Variants in MYT1 observed in about 807,000 individuals in gnomAD.
MYT1 encodes the protein myelin transcription factor 1.
MYT1 carries 23 observed loss-of-function variants against 123.0 expected under a neutral mutation model. The ratio of observed to expected loss-of-function variants is 0.19; its 90% CI spans 0.13 to 0.26. MYT1 has a LOEUF of 0.26. Among genes scored for constraint, MYT1 ranks in the 10% least tolerant of loss-of-function variants. The probability of loss-of-function intolerance (pLI) is 1.00; values close to 1 mark genes in which losing one functional copy is unlikely to be tolerated. For synonymous variants in MYT1, 518 were observed against 575.3 expected (o/e 0.90, Z 1.43); for missense variants, 1,125 against 1,472.5 (o/e 0.76, Z 3.86).
At position 64,201,916 on chromosome 20, in the gene MYT1, G is replaced by GTGTGT. The variant is rs1568708028; in HGVS notation, c.86+1994_86+1995insTGTGT. Among the ~76,000 whole-genome samples, 494 of 138,580 alleles carry GTGTGT rather than the reference G, an allele frequency of 3.6e-3. 6 individuals carry two copies. The highest frequency in any genetic ancestry group is 0.012 in the African/African-American group (456 of 38,930). 90.9% of individuals were successfully genotyped at this position (138,580 alleles called of 152,430 possible). A position where few individuals can be genotyped will look rare whatever the true frequency, so the allele number is the denominator to read the frequency against. ...GAACCCCCGTGTGTCGGGAACCCCC[G>GTGTGT]CGTGTCGGGAACCCCCGCGTGTCGG... On this transcript the variant is annotated intron_variant, in intron 4 of 22. Transcript: ENST00000328439.
At position 64,192,883 on chromosome 20, in the gene MYT1, A is replaced by T. The variant is rs185429373; in HGVS notation, c.-1+2723A>T. On this transcript the variant is annotated intron_variant, in intron 2 of 22. Coordinates refer to ENST00000328439, the MANE Select transcript of MYT1 (RefSeq NM_004535.3). The surrounding 1 kb of genome is among the most constrained non-coding windows in gnomAD (Gnocchi z 5.3). ...TTGTTGGATTCTACCCTGGGTGGGT[A>T]TAAATTCCATTTATGCTGGAGTTTT... Among the ~76,000 whole-genome samples the T allele has an allele frequency of 6.6e-6, 1 of 152,326 alleles. No individual in the cohort carries two copies. Among genetic ancestry groups the T allele is most frequent in the East Asian group, 1.9e-4 (1 of 5,178 alleles).
Position 64,167,620 on chromosome 20 carries a change from C to T in MYT1, c.-99+2881C>T, listed in dbSNP as rs1982121934. On this transcript the variant is annotated intron_variant, in intron 1 of 22. Coordinates refer to ENST00000328439, the MANE Select transcript of MYT1 (RefSeq NM_004535.3). The surrounding 1 kb of genome is among the most constrained non-coding windows in gnomAD (Gnocchi z 6.3). ...AGTGGATGCTCTGCCTGTCCCAATG[C>T]TGGAAGACACATCTCAGAGCCCCTC... Among the ~76,000 whole-genome samples, 1 of 152,230 alleles carries T rather than the reference C, an allele frequency of 6.6e-6. No individual in the cohort carries two copies. The highest frequency in any genetic ancestry group is 1.5e-5 in the Non-Finnish European group (1 of 68,038).
chr20:64,208,027 G>A lies in MYT1; in HGVS notation c.831G>A (p.Glu277=). 6.3e-7 allele frequency: 1 copy of A among 1,591,004 alleles called. No individual in the cohort carries two copies. The highest frequency in any genetic ancestry group is 8.6e-7 in the Non-Finnish European group (1 of 1,166,090). Residue 277 remains glutamate, a synonymous_variant, in exon 7 of 23, where the codon GAG becomes GAA. Transcript: ENST00000328439. The surrounding 1 kb of genome is among the most constrained non-coding windows in gnomAD (Gnocchi z 5.4). The part of the protein sequence containing the change: ...EEEEEEEDEE[E]EEEEEEEEEE... The stretch of plus-strand genomic sequence containing the variant: ...AGGAGGAGGAGGAGGATGAAGAAGA[G>A]GAAGAGGAAGAGGAGGAGGAAGAGG...
At chr20:64,225,688 G>A (rs183384788) in intron 16 of MYT1, among the ~76,000 whole-genome samples, 5 of 152,286 alleles carry the variant, frequency 3.3e-5, no homozygotes, top group Non-Finnish European at 7.4e-5. Flanking sequence ...TGGTGGGAGG[G>A]GTGGATGTGG....
chr20:64,198,180 G>A (rs891185155), intron 2 of MYT1, among the ~76,000 whole-genome samples: 3 of 151,398 alleles, frequency 2.0e-5, no homozygotes, highest in Admixed American at 6.6e-5. Context: ...CCAGCTACTC[G>A]GGAGGCTGAG....
At chr20:64,188,566 A>G (rs1244079460) in intron 1 of MYT1, among the ~76,000 whole-genome samples, 1 of 152,188 alleles carries the variant, frequency 6.6e-6, no homozygotes, top group Admixed American at 6.5e-5. Context: ...CAAAGTGTGA[A>G]GCACACTCCC....
At position 64,205,568 on chromosome 20, in the gene MYT1, C is replaced by A. The variant is rs1374694630; in HGVS notation, c.165C>A (p.Pro55=). 6.2e-7 allele frequency: 1 copy of A among 1,613,972 alleles called. No individual in the cohort carries two copies. Among genetic ancestry groups the A allele is most frequent in the Non-Finnish European group, 8.5e-7 (1 of 1,180,028 alleles). ...TCCCTCCCAGTTTACAGAGCTGCCC[C>A]CTGGCCAAGAAGAGGAAGCTGGAGG... The part of the protein sequence containing the change: ...YSRHRSLQSC[P]LAKKRKLEGA... The change falls in exon 6 of 23, where the codon CCC becomes CCA. Residue 55 remains proline, a synonymous_variant. Coordinates refer to ENST00000328439, the MANE Select transcript of MYT1 (RefSeq NM_004535.3).
chr20:64,227,774 TCCC>T, intron 17 of MYT1, 111 bp from the exon 18 acceptor site: 1 of 864,492 alleles, frequency 1.2e-6, no homozygotes. Context: ...TTGCCCTCAC[TCCC>T]TCCCACCCCA....
intron 16 of MYT1, among the ~76,000 whole-genome samples, chr20:64,226,787 T>C (rs1249998031): frequency 6.6e-6 from 1 of 152,270 alleles, no homozygotes; most frequent in Non-Finnish European, 1.5e-5. Context: ...TTCTCCTCCT[T>C]ACTCTCTGCT....
chr20:64,208,378 A>G lies in MYT1; in HGVS notation c.1182A>G (p.Thr394=), dbSNP rs1983564752. The change falls in exon 7 of 23, where the codon ACA becomes ACG. Residue 394 remains threonine, a synonymous_variant. Coordinates refer to ENST00000328439, the MANE Select transcript of MYT1 (RefSeq NM_004535.3). This position sits in a 1 kb window ranked among gnomAD's most constrained non-coding sequence, Gnocchi z 5.4. Reference sequence around the variant, plus strand: ...CCCTGAAGGCTGAACAGGTGCGCACAGTCTGCGAGCCGGGCTGCCCGCCTG... The same window carrying G: ...CCCTGAAGGCTGAACAGGTGCGCACGGTCTGCGAGCCGGGCTGCCCGCCTG... ...AIALKAEQVR[T]VCEPGCPPAE... 6.2e-7 allele frequency: 1 copy of G among 1,613,452 alleles called. No individual in the cohort carries two copies. The highest frequency in any genetic ancestry group is 8.5e-7 in the Non-Finnish European group (1 of 1,180,008).
intron 16 of MYT1, among the ~76,000 whole-genome samples, chr20:64,225,031 T>G (rs1462129339): frequency 6.6e-6 from 1 of 152,140 alleles, no homozygotes; most frequent in Non-Finnish European, 1.5e-5. Flanking sequence ...GCCTCCCCTG[T>G]GTGAAAGTGA....
chr20:64,181,689 C>T (rs1237418893), intron 1 of MYT1, among the ~76,000 whole-genome samples: 2 of 152,350 alleles, frequency 1.3e-5, no homozygotes, highest in African/African-American at 2.4e-5. Context: ...TCCTGAAACA[C>T]TCATTTGCTC....
chr20:64,183,328 G>A (rs1982705696), intron 1 of MYT1, among the ~76,000 whole-genome samples: 1 of 152,180 alleles, frequency 6.6e-6, no homozygotes, highest in African/African-American at 2.4e-5. Flanking sequence ...GAATAAAGCT[G>A]CTATGAATAG....
chr20:64,205,024 T>C lies in MYT1; in HGVS notation c.87-11T>C. 1 of 1,613,924 alleles carries C rather than the reference T, an allele frequency of 6.2e-7. No homozygotes were observed. Among genetic ancestry groups the C allele is most frequent in the Non-Finnish European group, 8.5e-7 (1 of 1,179,976 alleles). ...CGCCTGATGTGGCCTTGCCTTTTTA[T>C]TTCCCCTCAGCTGCCCCACCCCAGG... On this transcript the variant is annotated splice_polypyrimidine_tract_variant and intron_variant, in intron 4 of 22. Transcript: ENST00000328439.
Position 64,227,939 on chromosome 20 carries a change from C to T in MYT1, c.2643C>T (p.Thr881=), listed in dbSNP as rs761142580. 1.9e-6 allele frequency: 3 copies of T among 1,614,054 alleles called. No homozygotes were observed. The highest frequency in any genetic ancestry group is 2.5e-6 in the Non-Finnish European group (3 of 1,179,982). The change falls in exon 18 of 23, where the codon ACC becomes ACT. Residue 881 remains threonine (T), a synonymous_variant. Coordinates refer to ENST00000328439, the MANE Select transcript of MYT1 (RefSeq NM_004535.3). ...AAAGTGGAGTCAAGGTGGCACCCAC[C>T]AAGGACGACAAGGAGGACCCCGAGC... ...AKKSGVKVAP[T]KDDKEDPELM... is the part of the protein sequence containing the mutation.
intron 1 of MYT1, among the ~76,000 whole-genome samples, chr20:64,176,831 G>C (rs562324909): frequency 6.6e-6 from 1 of 152,324 alleles, no homozygotes; most frequent in South Asian, 2.1e-4. Flanking sequence ...CCTGGGCTGG[G>C]CACACTCCTC....
At chr20:64,195,376 GT>G (rs1983082516) in intron 2 of MYT1, among the ~76,000 whole-genome samples, 2 of 104,072 alleles carry the variant, frequency 1.9e-5, no homozygotes, top group African/African-American at 4.0e-5. Context: ...GTGTGTGTGT[GT>G]GTGTGTGTGT....
At chr20:64,195,396 G>T (rs8120401) in intron 2 of MYT1, among the ~76,000 whole-genome samples, 10 of 32,982 alleles carry the variant, frequency 3.0e-4, no homozygotes, top group East Asian at 7.7e-4. Flanking sequence ...GTGTGTGTGT[G>T]TATACTTTTT....
At position 64,236,387 on chromosome 20, in the gene MYT1, T is replaced by C. The variant is rs371797944; in HGVS notation, c.2898-168T>C. ...GCGGTGGGTGACCCTGGGATGGCCG[T>C]GGTGGGTGACCCTGGGCTGGCCGTG... On this transcript the variant is annotated intron_variant, in intron 19 of 22. Transcript: ENST00000328439. Among the ~76,000 whole-genome samples the C allele has an allele frequency of 5.8e-4, 79 of 135,766 alleles. No individual in the cohort carries two copies. In the East Asian group the frequency reaches 8.8e-3, roughly 15 times the overall value. The allele number at this position is 135,766 out of a possible 152,430, so 89.1% of individuals were successfully genotyped here. A position where few individuals can be genotyped will look rare whatever the true frequency, so the allele number is the denominator to read the frequency against.
Sources: allele counts gnomAD v4.1 joint callset (sites outside exome capture counted in the v4.1 genomes callset), GRCh38; gene constraint gnomAD v4.1.1; non-coding constraint Gnocchi (gnomAD v3.1); transcripts MANE v1.5; gene names NCBI Gene and HGNC (gene_info 2026-07-23, HGNC 2026-07-21).